PRSS55: variants seen among roughly 807,000 people sequenced by gnomAD.
PRSS55 encodes probable serine protease UNQ9391/PRO34284.
Under a neutral mutation model 23.6 loss-of-function variants are expected in PRSS55, and 41 were observed. The observed-to-expected ratio is 1.74, with a 90% confidence interval of 1.35 to 2.26. The LOEUF (loss-of-function observed/expected upper bound fraction) is 2.26. PRSS55 is among the 30% of genes most tolerant of loss of function. The pLI is 0.00. For missense variants in PRSS55, 669 were observed against 439.1 expected, an observed-to-expected ratio of 1.52 and a Z score of -4.68; for synonymous variants, 262 against 175.5, an observed-to-expected ratio of 1.49 and a Z score of -3.90.
intron 1 of PRSS55, among the ~76,000 whole-genome samples, chr8:10,528,735 T>A (rs764358688): frequency 1.6e-4 from 25 of 152,206 alleles, no homozygotes; most frequent in South Asian, 4.1e-4. Flanking sequence ...ACAAATGTCT[T>A]ATCCTACAGT....
downstream of PRSS55, among the ~76,000 whole-genome samples, chr8:10,543,423 T>TCTTTCTTCCTTCCTTC (rs1491268512): frequency 1.5e-4 from 11 of 71,474 alleles, no homozygotes; most frequent in Admixed American, 1.5e-3. Flanking sequence ...CTTCTTTCTT[T>TCTTTCTTCCTTCCTTC]CTTCCTTCCT....
intron 4 of PRSS55, among the ~76,000 whole-genome samples, chr8:10,546,466 T>A (rs1348196514): frequency 6.6e-6 from 1 of 152,160 alleles, no homozygotes; most frequent in East Asian, 1.9e-4. Context: ...CAGCAGCTAG[T>A]TGCACTTTTG....
Position 10,529,650 on chromosome 8 carries a change from A to T in PRSS55, c.298A>T (p.Lys100Ter). 1 of 1,614,156 alleles carries T rather than the reference A, an allele frequency of 6.2e-7. No individual in the cohort carries two copies. Residue 100 changes from lysine to a stop codon, truncating the protein, a stop_gained, in exon 2 of 5, where the codon AAG becomes TAG. Transcript: ENST00000328655. LOFTEE classifies it high-confidence loss of function. Reference protein sequence around the residue: ...EPFCGGSILNKWWILTAAHCL... With the variant: ...EPFCGGSILN ...TTTCTGTGGCGGCTCCATCCTCAAC[A>T]AGTGGTGGATTCTCACTGCGGCTCA...
At chr8:10,528,161 T>A (rs912397137) in intron 1 of PRSS55, among the ~76,000 whole-genome samples, 1 of 146,784 alleles carries the variant, frequency 6.8e-6, no homozygotes, top group Non-Finnish European at 1.5e-5. Context: ...ATGGTGCCAC[T>A]GCACTCCAGC....
downstream of PRSS55, among the ~76,000 whole-genome samples, chr8:10,541,839 A>C (rs1300911328): frequency 6.6e-6 from 1 of 152,036 alleles, no homozygotes; most frequent in Non-Finnish European, 1.5e-5. Flanking sequence ...GCTCACTGCC[A>C]CCTACATCTC....
chr8:10,538,709 G>A lies in PRSS55; in HGVS notation c.975G>A (p.Ser325=), dbSNP rs370074282. The part of the protein sequence containing the change: ...VKQKPMGSPV[S]GVPEPGSPRS... Reference sequence around the variant, plus strand: ...AGAAACCTATGGGCTCCCCAGTCTCGGGAGTCCCAGAGCCAGGCAGCCCCA... The same window carrying A: ...AGAAACCTATGGGCTCCCCAGTCTCAGGAGTCCCAGAGCCAGGCAGCCCCA... The change falls in exon 5 of 5, where the codon TCG becomes TCA. Residue 325 remains serine (S), a synonymous_variant. Coordinates refer to ENST00000328655, the MANE Select transcript of PRSS55 (RefSeq NM_198464.4). The A allele has an allele frequency of 1.9e-5, 30 of 1,613,844 alleles. No individual in the cohort carries two copies. Among genetic ancestry groups the A allele is most frequent in the South Asian group, 6.6e-5 (6 of 91,068 alleles).
At chr8:10,532,840 G>C (rs1585873642) in intron 3 of PRSS55, 66 bp from the exon 4 acceptor site, 1 of 1,600,076 alleles carries the variant, frequency 6.2e-7, no homozygotes. Context: ...GGCACAGTCA[G>C]CTGCATCACG....
At chr8:10,534,614 T>C (rs909164902) in intron 4 of PRSS55, among the ~76,000 whole-genome samples, 1 of 152,202 alleles carries the variant, frequency 6.6e-6, no homozygotes, top group Non-Finnish European at 1.5e-5. Flanking sequence ...AACATTATAC[T>C]GAATGAGCAA....
chr8:10,552,028 A>T (rs945271681), intron 4 of PRSS55, among the ~76,000 whole-genome samples: 1 of 152,342 alleles, frequency 6.6e-6, no homozygotes, highest in East Asian at 1.9e-4. Context: ...GCCGGAAGTT[A>T]CTGGGGAAAG....
chr8:10,529,295 A>G, intron 1 of PRSS55: 1 of 602,074 alleles, frequency 1.7e-6, no homozygotes, highest in Non-Finnish European at 3.0e-6. Flanking sequence ...TTCTGACTCT[A>G]TCTGTTGCTG....
At chr8:10,525,785 G>A (rs1811999896) in intron 1 of PRSS55, 46 bp downstream of exon 1, 6 of 1,529,156 alleles carry the variant, frequency 3.9e-6, no homozygotes, top group African/African-American at 1.4e-5. Context: ...TCATGGTCCA[G>A]CTGACTGGCT....
At chr8:10,542,945 CTG>C (rs1169417885), downstream of PRSS55, among the ~76,000 whole-genome samples, 3 of 150,750 alleles carry the variant, frequency 2.0e-5, no homozygotes, top group African/African-American at 4.9e-5. Context: ...GCTCAGGTGT[CTG>C]TGGCTGTTTT....
At chr8:10,549,430 G>C (rs955977862) in intron 4 of PRSS55, among the ~76,000 whole-genome samples, 4 of 152,232 alleles carry the variant, frequency 2.6e-5, no homozygotes, top group Non-Finnish European at 4.4e-5. Context: ...GCATTTCAGA[G>C]GGTGGATGAT....
chr8:10,538,479 G>T lies in PRSS55; in HGVS notation c.745G>T (p.Asp249Tyr), dbSNP rs1812532204. 2 of 1,610,940 alleles carry T rather than the reference G, an allele frequency of 1.2e-6. No individual in the cohort carries two copies. The highest frequency in any genetic ancestry group is 2.2e-5 in the East Asian group (1 of 44,848). Residue 249 changes from aspartate to tyrosine, a missense_variant, in exon 5 of 5, where the codon GAC (aspartate) becomes TAC (tyrosine). Asp to Tyr is a radical substitution (Grantham distance 160, BLOSUM62 -3). Transcript: ENST00000328655. Reference protein sequence around the residue: ...KNESYDACKGDSGGPLVCTPE... With the variant: ...KNESYDACKGYSGGPLVCTPE... ...GAGCTGTGTTCTCTGCCCACAGGGT[G>T]ACAGTGGGGGGCCTCTGGTCTGCAC...
intron 4 of PRSS55, among the ~76,000 whole-genome samples, chr8:10,551,768 C>CA (rs1356425600): frequency 1.3e-5 from 2 of 152,186 alleles, no homozygotes; most frequent in Admixed American, 6.5e-5. Flanking sequence ...AGTGGGGGCA[C>CA]AAAAAATCGC....
downstream of PRSS55, among the ~76,000 whole-genome samples, chr8:10,543,514 G>A (rs58564218): frequency 7.7e-6 from 1 of 129,208 alleles, no homozygotes; most frequent in African/African-American, 3.0e-5. Context: ...TCACTCTGTC[G>A]CCCAGGCTCA....
intron 2 of PRSS55, 44 bp from the exon 3 acceptor site, chr8:10,531,251 T>C: frequency 6.2e-7 from 1 of 1,607,280 alleles, no homozygotes; most frequent in South Asian, 1.1e-5. Context: ...TTTTGAGACT[T>C]CCCTTCCCCT....
intron 4 of PRSS55, among the ~76,000 whole-genome samples, chr8:10,533,723 C>T (rs557189847): frequency 2.0e-5 from 3 of 152,192 alleles, no homozygotes; most frequent in Non-Finnish European, 2.9e-5. Context: ...CCCTGATGAA[C>T]CTGCTTAGTC....
chr8:10,532,239 C>A (rs1812294587), intron 3 of PRSS55, among the ~76,000 whole-genome samples: 1 of 152,120 alleles, frequency 6.6e-6, no homozygotes. Flanking sequence ...GCGGTGGGAC[C>A]TTAGTTCTGG....
Sources: gnomAD v4.1 joint callset for allele counts (sites outside exome capture counted in the v4.1 genomes callset) on GRCh38, gnomAD v4.1.1 for gene constraint, MANE v1.5 for transcripts, NCBI Gene and HGNC (gene_info 2026-07-23, HGNC 2026-07-21) for gene names.